Variants in MARK1 observed in about 807,000 individuals in gnomAD.
The protein encoded by MARK1 is serine/threonine-protein kinase MARK1.
MARK1 carries 40 observed loss-of-function variants against 96.3 expected under a neutral mutation model. The observed-to-expected ratio is 0.42, with a 90% CI of 0.32 to 0.54. The LOEUF (loss-of-function observed/expected upper bound fraction) is 0.54. Among genes scored for constraint, MARK1 ranks in the 20% least tolerant of loss-of-function variants. MARK1 has a pLI of 0.16. For missense variants in MARK1, 719 were observed against 984.6 expected (o/e 0.73, Z 3.61); for synonymous variants, 317 against 341.2 (o/e 0.93, Z 0.78).
At chr1:220,592,862 G>A (rs1277750252) in intron 3 of MARK1, among the ~76,000 whole-genome samples, 1 of 152,176 alleles carries the variant, frequency 6.6e-6, no homozygotes, top group Non-Finnish European at 1.5e-5. Flanking sequence ...GCAAAGGTTG[G>A]CAGGTTAGTT....
chr1:220,601,078 C>T (rs753566455), intron 5 of MARK1, among the ~76,000 whole-genome samples: 50 of 151,722 alleles, frequency 3.3e-4, no homozygotes, highest in Admixed American at 4.6e-4. Context: ...CCACCGTGCC[C>T]GGCTAATTTT....
At chr1:220,622,646 A>G (rs964233551) in intron 9 of MARK1, among the ~76,000 whole-genome samples, 1 of 152,142 alleles carries the variant, frequency 6.6e-6, no homozygotes, top group Non-Finnish European at 1.5e-5. Flanking sequence ...ACTGTAATCC[A>G]AATACTTTGG....
At chr1:220,560,657 G>C (rs1662606568) in intron 1 of MARK1, among the ~76,000 whole-genome samples, 2 of 152,150 alleles carry the variant, frequency 1.3e-5, no homozygotes, top group Admixed American at 6.6e-5. Context: ...CTGCACAAAG[G>C]CATGATTCAG....
At chr1:220,639,360 G>A (rs1423868372) in intron 13 of MARK1, among the ~76,000 whole-genome samples, 2 of 152,152 alleles carry the variant, frequency 1.3e-5, no homozygotes, top group African/African-American at 4.8e-5. Context: ...ATCATACTAT[G>A]TAACATTTTA....
intron 9 of MARK1, chr1:220,626,449 G>A: frequency 1.8e-6 from 1 of 542,022 alleles, no homozygotes; most frequent in South Asian, 1.4e-5. Context: ...GTCCTATGAG[G>A]CCATTTCAAG....
intron 3 of MARK1, among the ~76,000 whole-genome samples, chr1:220,583,753 A>G (rs953593162): frequency 1.4e-5 from 2 of 147,524 alleles, no homozygotes; most frequent in African/African-American, 5.0e-5. Flanking sequence ...GGCTCAAGCG[A>G]TTCTCCTGAC....
At chr1:220,568,102 T>C (rs765184092) in intron 1 of MARK1, among the ~76,000 whole-genome samples, 23 of 152,170 alleles carry the variant, frequency 1.5e-4, no homozygotes, top group Non-Finnish European at 2.9e-4. Context: ...TATTGTTAAA[T>C]TATTGTATTT....
At chr1:220,653,423 ATCTT>A (rs1419841234) in intron 16 of MARK1, 71 bp downstream of exon 16, 1 of 1,443,216 alleles carries the variant, frequency 6.9e-7, no homozygotes, top group African/African-American at 1.4e-5. Context: ...TTTTAAAAAA[ATCTT>A]TATAATAATT....
At chr1:220,555,692 G>A (rs1002818458) in intron 1 of MARK1, among the ~76,000 whole-genome samples, 1 of 152,192 alleles carries the variant, frequency 6.6e-6, no homozygotes. Flanking sequence ...GTTTGGCTAT[G>A]AGAAATCTGA....
At chr1:220,555,086 A>G (rs1352604822) in intron 1 of MARK1, among the ~76,000 whole-genome samples, 1 of 152,142 alleles carries the variant, frequency 6.6e-6, no homozygotes, top group Non-Finnish European at 1.5e-5. Context: ...GTAACCACAG[A>G]ATGGGTTTGG....
chr1:220,597,030 G>A (rs773198951), intron 3 of MARK1, among the ~76,000 whole-genome samples: 5 of 152,092 alleles, frequency 3.3e-5, no homozygotes, highest in African/African-American at 9.7e-5. Flanking sequence ...TATCCATGTT[G>A]TATCTATCAT....
intron 3 of MARK1, among the ~76,000 whole-genome samples, chr1:220,590,622 A>G (rs1232361274): frequency 6.6e-6 from 1 of 152,178 alleles, no homozygotes; most frequent in Non-Finnish European, 1.5e-5. Flanking sequence ...ACAGGGATCC[A>G]AATCCAGCTG....
At chr1:220,573,058 T>G (rs557861945) in intron 1 of MARK1, among the ~76,000 whole-genome samples, 9 of 152,296 alleles carry the variant, frequency 5.9e-5, no homozygotes, top group African/African-American at 2.2e-4. Context: ...CTGACTCCTT[T>G]TAAGGTTTTT....
intron 1 of MARK1, among the ~76,000 whole-genome samples, chr1:220,572,460 C>G: frequency 6.6e-6 from 1 of 152,154 alleles, no homozygotes; most frequent in East Asian, 1.9e-4. Flanking sequence ...TCAGGCTGGT[C>G]TTGAACTCCC....
At chr1:220,643,401 A>G (rs959775632) in intron 13 of MARK1, among the ~76,000 whole-genome samples, 3 of 152,154 alleles carry the variant, frequency 2.0e-5, no homozygotes, top group Admixed American at 1.3e-4. Context: ...AAAGGATGAA[A>G]ATGAATGAAC....
rs1660086358 is a variant in MARK1 at position 220,528,695 on chromosome 1, C to T, written c.-128C>T. ...CCGCCGGGGCCGCTTGTTGCACCGC[C>T]CCGCGGCCTGCGGGAGCCGCTCGCC... On this transcript the variant is annotated 5_prime_UTR_variant, in exon 1 of 18. Coordinates refer to ENST00000366917, the MANE Select transcript of MARK1 (RefSeq NM_018650.5). 2 of 747,686 alleles carry T rather than the reference C, an allele frequency of 2.7e-6. No homozygotes were observed. The highest frequency in any genetic ancestry group is 4.4e-5 in the South Asian group (2 of 45,780). 46.3% of individuals were successfully genotyped at this position (747,686 alleles called of 1,614,324 possible). A position where few individuals can be genotyped will look rare whatever the true frequency, so the allele number is the denominator to read the frequency against.
chr1:220,567,104 A>G (rs1477827529), intron 1 of MARK1, among the ~76,000 whole-genome samples: 2 of 152,110 alleles, frequency 1.3e-5, no homozygotes, highest in Admixed American at 1.3e-4. Context: ...CCTTACACAA[A>G]TGGCAGCATA....
At chr1:220,591,701 A>G (rs1382130315) in intron 3 of MARK1, among the ~76,000 whole-genome samples, 3 of 152,332 alleles carry the variant, frequency 2.0e-5, no homozygotes, top group African/African-American at 7.2e-5. Flanking sequence ...ACACAAATGT[A>G]TATGCATTGA....
In MARK1 at chr1:220,635,452, C is replaced by T. The variant is rs1414908224; in HGVS notation, c.1199C>T (p.Thr400Ile). The stretch of plus-strand genomic sequence containing the variant: ...CCCAGTAGTGACTTAAACAACAGCA[C>T]TCTTCAGTCCCCTGCTCACCTGAAG... ...SRPSSDLNNS[T>I]LQSPAHLKVQ... The change falls in exon 12 of 18, where the codon ACT becomes ATT. Residue 400 changes from threonine to isoleucine, a missense_variant. This residue lies in a region of MARK1 where 501 missense variants were observed against 588.3 expected (regional missense o/e 0.85). Transcript: ENST00000366917. The T allele has an allele frequency of 6.2e-7, 1 of 1,613,380 alleles. No homozygotes were observed. Among genetic ancestry groups the T allele is most frequent in the Non-Finnish European group, 8.5e-7 (1 of 1,179,836 alleles).
Sources: allele counts gnomAD v4.1 joint callset (sites outside exome capture counted in the v4.1 genomes callset), GRCh38; gene constraint gnomAD v4.1.1; regional missense constraint gnomAD v4.1.1; transcripts MANE v1.5; gene names NCBI Gene and HGNC (gene_info 2026-07-23, HGNC 2026-07-21).